Variants in MAGEB3 observed in about 807,000 individuals in gnomAD.
MAGEB3 encodes the protein MAGE family member B3.
For missense variants in MAGEB3, 191 were observed against 262.4 expected, an observed-to-expected ratio of 0.73 and a Z score of 1.88; for synonymous variants, 91 against 93.0, an observed-to-expected ratio of 0.98 and a Z score of 0.12.
chrX:30,232,346 C>A (rs763780699), intron 2 of MAGEB3, among the ~76,000 whole-genome samples: 5 of 110,975 alleles, frequency 4.5e-5, no homozygotes, highest in Non-Finnish European at 7.6e-5. Flanking sequence ...GCCGGTACGG[C>A]GTCTCAGGCC....
Position 30,236,545 on chromosome X carries a change from C to T in MAGEB3, c.621C>T (p.Leu207=), listed in dbSNP as rs1368213130. ...GFPKTGLLLN[L]LGVIFMKGNC... ...CCAAGACAGGTCTCCTGCTGAATCT[C>T]CTGGGCGTGATCTTCATGAAGGGCA... is the stretch of plus-strand genomic sequence containing the variant. The change falls in exon 5 of 5, where the codon CTC becomes CTT. Residue 207 remains leucine, a synonymous_variant. Transcript: ENST00000361644. The T allele has an allele frequency of 1.7e-6, 2 of 1,211,888 alleles. No individual in the cohort carries two copies. The highest frequency in any genetic ancestry group is 2.2e-6 in the Non-Finnish European group (2 of 895,489).
At chrX:30,233,420 A>C (rs1284963932) in intron 4 of MAGEB3, 57 bp downstream of exon 4, 1 of 65,673 alleles carries the variant, frequency 1.5e-5, no homozygotes, top group East Asian at 5.5e-4. Context: ...AGCCCCTGTC[A>C]CAAAAAAAAA....
intron 4 of MAGEB3, among the ~76,000 whole-genome samples, chrX:30,234,076 A>T (rs1017001622): frequency 4.5e-5 from 5 of 111,186 alleles, no homozygotes; most frequent in African/African-American, 1.6e-4. Flanking sequence ...TTTTTTATTT[A>T]TTTTTATTTT....
intron 2 of MAGEB3, among the ~76,000 whole-genome samples, chrX:30,232,092 T>C (rs1924813871): frequency 8.9e-6 from 1 of 112,024 alleles, no homozygotes; most frequent in Admixed American, 9.4e-5. Flanking sequence ...TGCAATAGCT[T>C]CAGTCAGGTT....
chrX:30,231,190 C>G (rs1383248988), intron 1 of MAGEB3, among the ~76,000 whole-genome samples: 1 of 106,919 alleles, frequency 9.4e-6, no homozygotes, highest in Non-Finnish European at 1.9e-5. Context: ...CAGTGGAGCA[C>G]CCCTGTAGTC....
At chrX:30,233,851 G>T (rs2529552) in intron 4 of MAGEB3, among the ~76,000 whole-genome samples, 45,072 of 110,329 alleles carry the variant, frequency 0.41, 6,784 homozygotes, top group South Asian at 0.55. Flanking sequence ...GGAGGTCCTG[G>T]TTGAGTTCTG....
chrX:30,235,416 C>A (rs1372704366), intron 4 of MAGEB3, among the ~76,000 whole-genome samples: 1 of 111,154 alleles, frequency 9.0e-6, no homozygotes, highest in Non-Finnish European at 1.9e-5. Flanking sequence ...GCTGTTAGCA[C>A]CCAGTTCCTC....
chrX:30,231,020 A>T (rs1459592380), intron 1 of MAGEB3, among the ~76,000 whole-genome samples: 9 of 110,789 alleles, frequency 8.1e-5, no homozygotes, highest in African/African-American at 3.0e-4. Context: ...AACTAGAGTC[A>T]AGATGAAGAC....
At position 30,237,359 on chromosome X, in the gene MAGEB3, G is replaced by A. The variant is rs975156208; in HGVS notation, c.*394G>A. The A allele has an allele frequency of 7.1e-5, 10 of 140,671 alleles. No individual in the cohort carries two copies. Among genetic ancestry groups the A allele is most frequent in the Non-Finnish European group, 1.4e-4 (9 of 65,439 alleles). 11.6% of individuals were successfully genotyped at this position (140,671 alleles called of 1,213,427 possible). On this transcript the variant is annotated 3_prime_UTR_variant, in exon 5 of 5. Transcript: ENST00000361644. ...TGGCATTAAGAAATAGAGAAAGAGTGTAAGATGGTCAATATTTGGTTTCCT... is the reference window on the plus strand; with the variant it reads ...TGGCATTAAGAAATAGAGAAAGAGTATAAGATGGTCAATATTTGGTTTCCT...
At chrX:30,233,072 G>C (rs1367922459) in intron 3 of MAGEB3, among the ~76,000 whole-genome samples, 156 bp downstream of exon 3, 35 of 107,614 alleles carry the variant, frequency 3.3e-4, no homozygotes, top group Non-Finnish European at 6.4e-4. Flanking sequence ...GGGCGTGGTG[G>C]GGCACAGGTG....
intron 2 of MAGEB3, 44 bp from the exon 3 acceptor site, chrX:30,232,783 A>AATAC (rs1262018401): frequency 2.0e-5 from 2 of 99,212 alleles, no homozygotes; most frequent in African/African-American, 7.2e-5. Context: ...AAAATAAGTA[A>AATAC]ATAAATAAAT....
rs139917714 is a variant in MAGEB3 at position 30,236,732 on chromosome X, C to T, written c.808C>T (p.Arg270Cys). The T allele has an allele frequency of 1.4e-4, 173 of 1,210,725 alleles. 2 individuals carry two copies. In the South Asian group the frequency reaches 1.9e-3, roughly 14 times the overall value. The change falls in exon 5 of 5, where the codon CGC (arginine) becomes TGC (cysteine). Residue 270 changes from arginine (R) to cysteine (C), a missense_variant. Coordinates refer to ENST00000361644, the MANE Select transcript of MAGEB3 (RefSeq NM_002365.5). Reference sequence around the variant, plus strand: ...ACAAGTGCCCAACAGTAATCCTGCACGCTATGAATTCCTGTGGGGTCCAAG... The same window carrying T: ...ACAAGTGCCCAACAGTAATCCTGCATGCTATGAATTCCTGTGGGGTCCAAG... ...YRQVPNSNPA[R>C]YEFLWGPRAH...
intron 1 of MAGEB3, 27 bp from the exon 2 acceptor site, chrX:30,231,490 T>A (rs1440409553): frequency 1.0e-5 from 1 of 97,978 alleles, no homozygotes; most frequent in Non-Finnish European, 2.2e-5. Flanking sequence ...AATAAATAAA[T>A]ATAAACTTTT....
Position 30,230,660 on chromosome X carries a change from C to G in MAGEB3, c.-513C>G, listed in dbSNP as rs1244132307. ...CAGAACAGTGATGTCCCATAGAAAC[C>G]CGACTCCGCTGTCTGCCCTCACAGG... On this transcript the variant is annotated 5_prime_UTR_variant, in exon 1 of 5. Transcript: ENST00000361644. 1 of 110,302 alleles carries G rather than the reference C, an allele frequency of 9.1e-6. No homozygotes were observed. Among genetic ancestry groups the G allele is most frequent in the Non-Finnish European group, 1.9e-5 (1 of 52,802 alleles). The allele number at this position is 110,302 out of a possible 1,213,427, so 9.1% of individuals were successfully genotyped here.
chrX:30,233,763 C>T (rs149804371), intron 4 of MAGEB3, among the ~76,000 whole-genome samples: 4,442 of 111,884 alleles, frequency 0.04, 203 homozygotes, highest in African/African-American at 0.13. Context: ...AGACCCAGAG[C>T]GGGACGTGTC....
At chrX:30,235,741 A>G in intron 4 of MAGEB3, 123 bp from the exon 5 acceptor site, 1 of 439,105 alleles carries the variant, frequency 2.3e-6, no homozygotes, top group Non-Finnish European at 4.0e-6. Context: ...ATCAGAACAG[A>G]AGCCCTCTGG....
chrX:30,237,171 G>C lies in MAGEB3; in HGVS notation c.*206G>C. 2.9e-6 allele frequency: 1 copy of C among 343,392 alleles called. No homozygotes were observed. The highest frequency in any genetic ancestry group is 5.2e-6 in the Non-Finnish European group (1 of 194,084). The allele number at this position is 343,392 out of a possible 1,213,427, so 28.3% of individuals were successfully genotyped here. On this transcript the variant is annotated 3_prime_UTR_variant, in exon 5 of 5. Coordinates refer to ENST00000361644, the MANE Select transcript of MAGEB3 (RefSeq NM_002365.5). ...AACATTGTAATCTAAGTTTAGGATTGATACTGGTCACATTTGTTGTTTAAG... is the reference window on the plus strand; with the variant it reads ...AACATTGTAATCTAAGTTTAGGATTCATACTGGTCACATTTGTTGTTTAAG...
chrX:30,232,830 G>A lies in MAGEB3; in HGVS notation c.-250G>A, dbSNP rs922670403. 5 of 110,233 alleles carry A rather than the reference G, an allele frequency of 4.5e-5. No individual in the cohort carries two copies. Among genetic ancestry groups the A allele is most frequent in the African/African-American group, 1.7e-4 (5 of 30,274 alleles). The allele number at this position is 110,233 out of a possible 1,213,427, so 9.1% of individuals were successfully genotyped here. On this transcript the variant is annotated 5_prime_UTR_variant, in exon 3 of 5. Transcript: ENST00000361644. ...TTTTTTTATTTTTTATTTTAAGGCA[G>A]GGCTGTGGCTCACGCTTGTAATCCC...
intron 1 of MAGEB3, among the ~76,000 whole-genome samples, 155 bp from the exon 2 acceptor site, chrX:30,231,362 C>T (rs746854406): frequency 9.4e-6 from 1 of 106,643 alleles, no homozygotes; most frequent in Non-Finnish European, 1.9e-5. Context: ...CCCAGCTATT[C>T]GGGAGGCGGA....
Sources: gnomAD v4.1 joint callset for allele counts (sites outside exome capture counted in the v4.1 genomes callset) on GRCh38, gnomAD v4.1.1 for gene constraint, MANE v1.5 for transcripts, NCBI Gene and HGNC (gene_info 2026-07-23, HGNC 2026-07-21) for gene names.